The following STYX variants were observed in gnomAD, a reference collection of about 807,000 sequenced individuals.
STYX encodes serine/threonine/tyrosine-interacting protein.
A neutral mutation model predicts 42.7 loss-of-function variants in STYX; 20 were observed. The observed-to-expected ratio is 0.47, with a 90% CI of 0.33 to 0.68. STYX has a LOEUF of 0.68. Ranked by LOEUF, STYX falls within the 30% of genes least tolerant of loss-of-function variation. STYX has a pLI of 0.02. For synonymous variants in STYX, 78 were observed against 81.9 expected (o/e 0.95, Z 0.26); for missense variants, 226 against 268.5 (o/e 0.84, Z 1.11).
intron 1 of STYX, among the ~76,000 whole-genome samples, chr14:52,741,409 A>G (rs1045098358): frequency 2.0e-5 from 3 of 151,870 alleles, no homozygotes; most frequent in African/African-American, 7.3e-5. Flanking sequence ...ATGGTAGGTA[A>G]TGATATCTTT....
At chr14:52,751,422 G>T (rs550076560) in intron 4 of STYX, among the ~76,000 whole-genome samples, 51 of 152,026 alleles carry the variant, frequency 3.4e-4, no homozygotes, top group Non-Finnish European at 6.0e-4. Context: ...TTATATGTGA[G>T]CATATTGATA....
At chr14:52,736,151 C>T (rs1352895918) in intron 1 of STYX, among the ~76,000 whole-genome samples, 1 of 152,172 alleles carries the variant, frequency 6.6e-6, no homozygotes, top group East Asian at 1.9e-4. Flanking sequence ...TTTCCCCTGC[C>T]TTGGCTGCCA....
At chr14:52,735,423 C>CT (rs1216404658) in intron 1 of STYX, among the ~76,000 whole-genome samples, 3 of 152,148 alleles carry the variant, frequency 2.0e-5, no homozygotes, top group Admixed American at 6.5e-5. Flanking sequence ...AATTCCTTGG[C>CT]TAGAGGAGTG....
chr14:52,770,098 A>T (rs1422100206), intron 10 of STYX, among the ~76,000 whole-genome samples: 1 of 152,090 alleles, frequency 6.6e-6, no homozygotes, highest in Non-Finnish European at 1.5e-5. Flanking sequence ...ATGATGATTA[A>T]TGCACTCTTC....
At chr14:52,753,047 ATTTTTT>A (rs959737468) in intron 4 of STYX, among the ~76,000 whole-genome samples, 2 of 88,662 alleles carry the variant, frequency 2.3e-5, no homozygotes, top group South Asian at 3.8e-4. Flanking sequence ...CACCCAGCTA[ATTTTTT>A]TTTTTTTTTT....
chr14:52,737,900 C>T lies in STYX; in HGVS notation c.58-6952C>T, dbSNP rs188407884. Reference sequence around the variant, plus strand: ...ACGCCATTCTCCTGCCTCAGCCTCCCGAGTAGCTGGGACTACAGGCGCCCG... The same window carrying T: ...ACGCCATTCTCCTGCCTCAGCCTCCTGAGTAGCTGGGACTACAGGCGCCCG... On this transcript the variant is annotated intron_variant, in intron 1 of 10. Transcript: ENST00000354586. Among the ~76,000 whole-genome samples, 647 of 152,246 alleles carry T rather than the reference C, an allele frequency of 4.2e-3. 5 individuals are homozygous for T. The highest frequency in any genetic ancestry group is 0.013 in the African/African-American group (559 of 41,546).
chr14:52,754,216 C>CT (rs892625998), intron 4 of STYX, among the ~76,000 whole-genome samples: 2,271 of 146,184 alleles, frequency 0.016, 52 homozygotes, highest in African/African-American at 0.053. Context: ...GAAAGAAATA[C>CT]TTTTTTTTTT....
Position 52,771,128 on chromosome 14 carries a change from G to C in STYX, c.*22G>C, listed in dbSNP as rs201358475. On this transcript the variant is annotated 3_prime_UTR_variant, in exon 11 of 11. Transcript: ENST00000354586. The stretch of plus-strand genomic sequence containing the variant: ...CTGACTTGAAGAGCAACATCATAGA[G>C]TGTGAATTTCTATTTGGGAAGGAGA... 742 of 1,575,934 alleles carry C rather than the reference G, an allele frequency of 4.7e-4. No homozygotes were observed. Among genetic ancestry groups the C allele is most frequent in the Non-Finnish European group, 5.5e-4 (640 of 1,158,702 alleles).
At chr14:52,754,371 G>C (rs556412684) in intron 4 of STYX, among the ~76,000 whole-genome samples, 1 of 150,158 alleles carries the variant, frequency 6.7e-6, no homozygotes, top group Non-Finnish European at 1.5e-5. Flanking sequence ...CCACCGGATC[G>C]GGCTAATTTT....
At chr14:52,736,196 C>T in intron 1 of STYX, among the ~76,000 whole-genome samples, 1 of 152,196 alleles carries the variant, frequency 6.6e-6, no homozygotes, top group East Asian at 1.9e-4. Flanking sequence ...TAACTGCTTA[C>T]CCTTGGGTTA....
At chr14:52,738,573 G>A (rs1391670199) in intron 1 of STYX, among the ~76,000 whole-genome samples, 1 of 152,160 alleles carries the variant, frequency 6.6e-6, no homozygotes, top group East Asian at 1.9e-4. Flanking sequence ...TGATACTTCA[G>A]TGGCTTTGAG....
At chr14:52,762,135 C>G (rs1319316012) in intron 9 of STYX, among the ~76,000 whole-genome samples, 1 of 151,928 alleles carries the variant, frequency 6.6e-6, no homozygotes, top group Non-Finnish European at 1.5e-5. Flanking sequence ...CCACCTTGGC[C>G]TCTCAAAGTG....
Position 52,734,833 on chromosome 14 carries a change from G to A in STYX, c.57+4302G>A, listed in dbSNP as rs1423328561. ...TCCCAGCACTTTGGGAGGCCGAGGC[G>A]GACGGATCACGAGGTCAGGAGATCA... On this transcript the variant is annotated intron_variant, in intron 1 of 10. Coordinates refer to ENST00000354586, the MANE Select transcript of STYX (RefSeq NM_145251.4). 3.9e-5 allele frequency among the ~76,000 whole-genome samples: 6 copies of A among 152,100 alleles called. No individual in the cohort carries two copies. In the East Asian group the frequency reaches 9.7e-4, roughly 24 times the overall value.
Position 52,773,155 on chromosome 14 carries a change from G to C in STYX, c.*2049G>C, listed in dbSNP as rs1342850604. ...ATCCTCTCTAGTAGTCTGGCCAAAA[G>C]AACAGATTTTGTTATTGATAATTTG... On this transcript the variant is annotated 3_prime_UTR_variant, in exon 11 of 11. Coordinates refer to ENST00000354586, the MANE Select transcript of STYX (RefSeq NM_145251.4). 2 of 151,918 alleles carry C rather than the reference G, an allele frequency of 1.3e-5. No homozygotes were observed. Among genetic ancestry groups the C allele is most frequent in the Non-Finnish European group, 2.9e-5 (2 of 67,976 alleles). The allele number at this position is 151,918 out of a possible 1,614,324, so 9.4% of individuals were successfully genotyped here. A position where few individuals can be genotyped will look rare whatever the true frequency, so the allele number is the denominator to read the frequency against.
intron 1 of STYX, among the ~76,000 whole-genome samples, chr14:52,740,360 C>T (rs893989623): frequency 1.3e-5 from 2 of 152,154 alleles, no homozygotes; most frequent in African/African-American, 4.8e-5. Flanking sequence ...TATTTCTATT[C>T]TGTTAATATC....
intron 3 of STYX, 51 bp downstream of exon 3, chr14:52,746,530 C>G: frequency 6.7e-7 from 1 of 1,484,058 alleles, no homozygotes; most frequent in Non-Finnish European, 9.0e-7. Flanking sequence ...ACCAACTTTT[C>G]TTGGGTAAGT....
At chr14:52,738,338 T>C (rs1881043901) in intron 1 of STYX, among the ~76,000 whole-genome samples, 1 of 152,182 alleles carries the variant, frequency 6.6e-6, no homozygotes, top group Non-Finnish European at 1.5e-5. Flanking sequence ...TTCCCTCTTA[T>C]AATATCTTCC....
At chr14:52,732,006 G>T (rs1316616979) in intron 1 of STYX, among the ~76,000 whole-genome samples, 1 of 148,918 alleles carries the variant, frequency 6.7e-6, no homozygotes, top group Non-Finnish European at 1.5e-5. Context: ...CGAACTCTTG[G>T]CCTCAAGATC....
intron 3 of STYX, among the ~76,000 whole-genome samples, chr14:52,748,282 A>G (rs1881471192): frequency 6.6e-6 from 1 of 152,120 alleles, no homozygotes; most frequent in Non-Finnish European, 1.5e-5. Context: ...GCTGGAGTAC[A>G]GTGGCGCGCT....
Sources: allele counts gnomAD v4.1 joint callset (sites outside exome capture counted in the v4.1 genomes callset), GRCh38; gene constraint gnomAD v4.1.1; transcripts MANE v1.5; gene names NCBI Gene and HGNC (gene_info 2026-07-23, HGNC 2026-07-21).